The following L3HYPDH variants were observed in gnomAD, a reference collection of about 807,000 sequenced individuals.
L3HYPDH encodes the protein trans-3-hydroxy-L-proline dehydratase.
Under a neutral mutation model 26.5 loss-of-function variants are expected in L3HYPDH, and 32 were observed. That is an observed-to-expected ratio of 1.21 (90% confidence interval 0.91 to 1.62). The LOEUF (loss-of-function observed/expected upper bound fraction) is 1.62. L3HYPDH is among the 40% of genes most tolerant of loss of function. The probability of loss-of-function intolerance (pLI) is 0.00; values close to 1 mark genes in which losing one functional copy is unlikely to be tolerated. For missense variants in L3HYPDH, 554 were observed against 476.4 expected (o/e 1.16, Z -1.52); for synonymous variants, 215 against 196.6 (o/e 1.09, Z -0.78).
At chr14:59,474,503 C>T (rs1489483522) in intron 4 of L3HYPDH, 1 of 700,326 alleles carries the variant, frequency 1.4e-6, no homozygotes, top group African/African-American at 1.7e-5. Flanking sequence ...ACATTGCAAT[C>T]CCAGATTCTT....
chr14:59,476,764 A>T (rs1889657788), intron 2 of L3HYPDH, among the ~76,000 whole-genome samples: 1 of 152,232 alleles, frequency 6.6e-6, no homozygotes, highest in Admixed American at 6.5e-5. Context: ...AAAAAGATTT[A>T]TTGTAGACGA....
At chr14:59,480,233 CTAGAGA>C (rs1437578836) in intron 1 of L3HYPDH, among the ~76,000 whole-genome samples, 10 of 152,150 alleles carry the variant, frequency 6.6e-5, no homozygotes, top group African/African-American at 1.9e-4. Flanking sequence ...AATATTTCTC[CTAGAGA>C]TAAATTTTTT....
rs769341600 is a variant in L3HYPDH, at chr14:59,484,139, G to T, written c.178C>A (p.His60Asn). 73 of 1,601,928 alleles carry T rather than the reference G, an allele frequency of 4.6e-5. No individual in the cohort carries two copies. Among genetic ancestry groups the T allele is most frequent in the Non-Finnish European group, 5.9e-5 (69 of 1,179,202 alleles). ...TCGAACATGAGCCGTCGCCGCACGT[G>T]GTCAAGGTGCTGGCGCATGTAGCGC... ...KRRYMRQHLDHVRRRLMFEPR... is the reference protein window; with the variant it reads ...KRRYMRQHLDNVRRRLMFEPR... The change falls in exon 1 of 5, where the codon CAC (histidine) becomes AAC (asparagine). Residue 60 changes from histidine to asparagine, a missense_variant. Transcript: ENST00000247194.
At chr14:59,484,530 T>A, upstream of L3HYPDH, 1 of 1,556,480 alleles carries the variant, frequency 6.4e-7, no homozygotes, top group Non-Finnish European at 8.7e-7. Flanking sequence ...GCCCGGATGT[T>A]CGGTGCAGCT....
the L3HYPDH span, chr14:59,501,088 A>G: frequency 2.2e-5 from 16 of 724,978 alleles, no homozygotes; most frequent in African/African-American, 2.5e-4. Context: ...GAACTGGTTG[A>G]GAAAGGATTT....
rs143190956 is a variant in L3HYPDH, at chr14:59,484,162, C to A, written c.155G>T (p.Arg52Leu). ...GTGGTCAAGGTGCTGGCGCATGTAG[C>A]GCCGCTTGGCCAGCAGGGTGGGCCC... ...VSGPTLLAKRRYMRQHLDHVR... is the reference protein window; with the variant it reads ...VSGPTLLAKRLYMRQHLDHVR... Residue 52 changes from arginine (R) to leucine (L), a missense_variant, in exon 1 of 5, where the codon CGC (arginine) becomes CTC (leucine). Physicochemically the swap from Arg to Leu is moderately radical, Grantham distance 102. Coordinates refer to ENST00000247194, the MANE Select transcript of L3HYPDH (RefSeq NM_144581.2). The A allele has an allele frequency of 3.6e-5, 57 of 1,600,310 alleles. No individual in the cohort carries two copies. Among genetic ancestry groups the A allele is most frequent in the Non-Finnish European group, 4.7e-5 (55 of 1,179,424 alleles).
intron 1 of L3HYPDH, among the ~76,000 whole-genome samples, chr14:59,482,469 C>A (rs1303155304): frequency 6.6e-6 from 1 of 152,188 alleles, no homozygotes; most frequent in Non-Finnish European, 1.5e-5. Context: ...CTGCTGCCAG[C>A]TGCCATTTCC....
intron 2 of L3HYPDH, among the ~76,000 whole-genome samples, chr14:59,477,606 T>C (rs1889728068): frequency 6.6e-6 from 1 of 152,230 alleles, no homozygotes; most frequent in African/African-American, 2.4e-5. Context: ...TGTGCCAAAT[T>C]GTTAACTCAG....
At chr14:59,474,651 T>C (rs538142892) in intron 4 of L3HYPDH, 1 of 580,480 alleles carries the variant, frequency 1.7e-6, no homozygotes, top group African/African-American at 1.9e-5. Context: ...CTAACTAACC[T>C]CTGGTAAATT....
the L3HYPDH span, chr14:59,505,032 T>G: frequency 2.8e-6 from 1 of 362,860 alleles, no homozygotes; most frequent in Admixed American, 4.3e-5. Context: ...AAAATGAAAT[T>G]TTTAGCTCTT....
chr14:59,491,122 T>G, the L3HYPDH span, among the ~76,000 whole-genome samples: 6 of 152,292 alleles, frequency 3.9e-5, no homozygotes, highest in African/African-American at 1.4e-4. Context: ...GGGCTGGAGG[T>G]GTCTTAACAA....
the L3HYPDH span, chr14:59,505,003 T>C: frequency 3.1e-6 from 1 of 327,252 alleles, no homozygotes; most frequent in East Asian, 5.0e-5. Flanking sequence ...TTAAGACTCA[T>C]GGTTGCAACC....
chr14:59,476,012 T>A lies in L3HYPDH; in HGVS notation c.802-6A>T. The A allele has an allele frequency of 6.2e-7, 1 of 1,613,888 alleles. No homozygotes were observed. Among genetic ancestry groups the A allele is most frequent in the Non-Finnish European group, 8.5e-7 (1 of 1,179,878 alleles). ...CCAGTGGGACTTCTGTCAACCTGTTTCAGAATAAATGAAGACAGAATGTTC... is the reference window on the plus strand; with the variant it reads ...CCAGTGGGACTTCTGTCAACCTGTTACAGAATAAATGAAGACAGAATGTTC... On this transcript the variant is annotated splice_region_variant and splice_polypyrimidine_tract_variant and intron_variant, in intron 3 of 4. Coordinates refer to ENST00000247194, the MANE Select transcript of L3HYPDH (RefSeq NM_144581.2).
Position 59,474,454 on chromosome 14 carries a change from T to C in L3HYPDH, c.940-1364A>G, listed in dbSNP as rs1165213076. 3 of 687,110 alleles carry C rather than the reference T, an allele frequency of 4.4e-6. No homozygotes were observed. In the African/African-American group the frequency reaches 5.4e-5, roughly 12 times the overall value. 42.6% of individuals were successfully genotyped at this position (687,110 alleles called of 1,614,324 possible). On this transcript the variant is annotated intron_variant, in intron 4 of 4. Coordinates refer to ENST00000247194, the MANE Select transcript of L3HYPDH (RefSeq NM_144581.2). Reference sequence around the variant, plus strand: ...ACTTGCCAACCTGGACTTGTCTGAGTCATTCTTTGGTCTCTCGGCTCCCTC... The same window carrying C: ...ACTTGCCAACCTGGACTTGTCTGAGCCATTCTTTGGTCTCTCGGCTCCCTC...
intron 1 of L3HYPDH, chr14:59,483,488 AC>A (rs201456145): frequency 0.024 from 30,825 of 1,281,002 alleles, 435 homozygotes; most frequent in African/African-American, 0.052. Context: ...ACCCCACCGT[AC>A]CTTGCTTTAT....
chr14:59,470,476 A>T (rs1275513849), downstream of L3HYPDH, among the ~76,000 whole-genome samples: 2 of 152,340 alleles, frequency 1.3e-5, no homozygotes, highest in Non-Finnish European at 2.9e-5. Context: ...AGCAAAGTGC[A>T]TTGTGAGTTC....
the L3HYPDH span, among the ~76,000 whole-genome samples, chr14:59,497,823 A>G: frequency 1.3e-5 from 2 of 152,184 alleles, no homozygotes; most frequent in African/African-American, 4.8e-5. Flanking sequence ...TGGTATCATG[A>G]TGCTGTGTGG....
the L3HYPDH span, chr14:59,495,280 T>C: frequency 7.5e-7 from 1 of 1,339,256 alleles, no homozygotes; most frequent in Non-Finnish European, 1.1e-6. Flanking sequence ...CTGAGGATTA[T>C]TATAGATTTT....
upstream of L3HYPDH, chr14:59,487,784 G>C: frequency 6.2e-7 from 1 of 1,613,568 alleles, no homozygotes. Flanking sequence ...TGCTTCCTCT[G>C]GTTTTACATT....
Sources: allele counts gnomAD v4.1 joint callset (sites outside exome capture counted in the v4.1 genomes callset), GRCh38; gene constraint gnomAD v4.1.1; transcripts MANE v1.5; gene names NCBI Gene and HGNC (gene_info 2026-07-23, HGNC 2026-07-21).